Variants in ITPR2 observed in about 807,000 individuals in gnomAD.
ITPR2 encodes the protein inositol 1,4,5-trisphosphate receptor type 2.
Under a neutral mutation model 317.1 loss-of-function variants are expected in ITPR2, and 207 were observed. The observed-to-expected ratio is 0.65, with a 90% CI of 0.58 to 0.73. The LOEUF is 0.73. ITPR2 is among the 30% of genes least tolerant of loss of function. ITPR2 has a pLI of 0.00. For missense variants in ITPR2, 2,613 were observed against 3,284.0 expected, an observed-to-expected ratio of 0.80 and a Z score of 4.99; for synonymous variants, 1,156 against 1,149.1, an observed-to-expected ratio of 1.01 and a Z score of -0.12.
intron 1 of ITPR2, among the ~76,000 whole-genome samples, chr12:26,801,850 C>T (rs139395049): frequency 4.6e-5 from 7 of 150,812 alleles, no homozygotes; most frequent in African/African-American, 1.7e-4. Context: ...CAAAATGAAA[C>T]TGCTGTAAGG....
rs375871833 is a variant in ITPR2 at position 26,580,511 on chromosome 12, C to T, written c.4381-356G>A. ...TCCACTCAATGTAAGAGACCAAAGACGAAACAGTCATTCTAAGTGTAAGAA... is the reference window on the plus strand; with the variant it reads ...TCCACTCAATGTAAGAGACCAAAGATGAAACAGTCATTCTAAGTGTAAGAA... On this transcript the variant is annotated intron_variant, in intron 32 of 56. Transcript: ENST00000381340. Among the ~76,000 whole-genome samples the T allele has an allele frequency of 6.2e-4, 95 of 152,174 alleles. 2 individuals are homozygous for T. Among genetic ancestry groups the T allele is most frequent in the East Asian group, 5.2e-3 (27 of 5,186 alleles).
At chr12:26,403,568 T>A (rs1940249234) in intron 52 of ITPR2, among the ~76,000 whole-genome samples, 1 of 152,006 alleles carries the variant, frequency 6.6e-6, no homozygotes, top group South Asian at 2.1e-4. Flanking sequence ...CAGTGAGCTA[T>A]AATCACACCA....
intron 1 of ITPR2, among the ~76,000 whole-genome samples, chr12:26,803,984 T>A (rs1244203846): frequency 6.6e-6 from 1 of 151,980 alleles, no homozygotes; most frequent in Non-Finnish European, 1.5e-5. Flanking sequence ...AAATATCACA[T>A]GTACTCCCAA....
intron 2 of ITPR2, among the ~76,000 whole-genome samples, chr12:26,789,100 G>A (rs942332803): frequency 1.3e-5 from 2 of 152,180 alleles, no homozygotes; most frequent in Admixed American, 6.5e-5. Context: ...TTTTGCATGT[G>A]TTTCCAATGG....
intron 37 of ITPR2, among the ~76,000 whole-genome samples, chr12:26,499,670 C>T (rs913977533): frequency 2.0e-5 from 3 of 152,178 alleles, no homozygotes; most frequent in Non-Finnish European, 2.9e-5. Context: ...CAGTCTACAA[C>T]TTGCAAAGTG....
At chr12:26,720,214 CT>C (rs1948810965) in intron 5 of ITPR2, among the ~76,000 whole-genome samples, 1 of 152,168 alleles carries the variant, frequency 6.6e-6, no homozygotes, top group African/African-American at 2.4e-5. Flanking sequence ...GGTTTCCTTT[CT>C]CCCAGACTAT....
chr12:26,778,984 T>C (rs1455386933), intron 2 of ITPR2, among the ~76,000 whole-genome samples: 2 of 152,176 alleles, frequency 1.3e-5, no homozygotes, highest in Admixed American at 6.5e-5. Context: ...ACATTCGTCA[T>C]TTGGGTGTGT....
At chr12:26,501,896 C>T (rs1456567172) in intron 37 of ITPR2, among the ~76,000 whole-genome samples, 1 of 152,148 alleles carries the variant, frequency 6.6e-6, no homozygotes, top group East Asian at 1.9e-4. Flanking sequence ...ATAAATAATC[C>T]TCACCAGACC....
intron 2 of ITPR2, among the ~76,000 whole-genome samples, chr12:26,757,649 T>TA (rs1343567020): frequency 1.3e-5 from 2 of 152,250 alleles, no homozygotes; most frequent in Non-Finnish European, 2.9e-5. Flanking sequence ...CAGCTTGACT[T>TA]ACGATATTTT....
intron 32 of ITPR2, among the ~76,000 whole-genome samples, chr12:26,585,348 T>C (rs927791732): frequency 7.9e-5 from 12 of 152,312 alleles, no homozygotes; most frequent in South Asian, 4.1e-4. Flanking sequence ...TATAGATATA[T>C]AATAATTTAT....
intron 2 of ITPR2, among the ~76,000 whole-genome samples, chr12:26,739,375 C>T (rs1949190882): frequency 6.6e-6 from 1 of 152,218 alleles, no homozygotes. Context: ...ACATTATTCA[C>T]AGTTTCCCAA....
At chr12:26,361,779 A>G (rs1315794764) in intron 55 of ITPR2, among the ~76,000 whole-genome samples, 1 of 152,226 alleles carries the variant, frequency 6.6e-6, no homozygotes, top group East Asian at 1.9e-4. Flanking sequence ...TATAAGCAAC[A>G]TTTCAATAAC....
rs79646959 is a variant in ITPR2 at position 26,786,639 on chromosome 12, C to T, written c.163+3518G>A. ...GGTAAAACTTAGTTTCCTCTGTTCA[C>T]AAGTGAGGTAATGAGACACAGTCAA... On this transcript the variant is annotated intron_variant, in intron 2 of 56. Coordinates refer to ENST00000381340, the MANE Select transcript of ITPR2 (RefSeq NM_002223.4). 7.7e-3 allele frequency among the ~76,000 whole-genome samples: 1,178 copies of T among 152,172 alleles called. 6 individuals carry two copies. The highest frequency in any genetic ancestry group is 0.013 in the Admixed American group (192 of 15,298).
Position 26,827,263 on chromosome 12 carries a change from TACACGGAGAAAAGAACAA to T in ITPR2, c.92+5409_92+5426del, listed in dbSNP as rs147664979. Among the ~76,000 whole-genome samples the T allele has an allele frequency of 9.8e-3, 1,486 of 152,026 alleles. 19 individuals are homozygous for T. Among genetic ancestry groups the T allele is most frequent in the African/African-American group, 0.034 (1,393 of 41,534 alleles). On this transcript the variant is annotated intron_variant, in intron 1 of 56. Transcript: ENST00000381340. ...AATACAAAGCAGGCCCCTTTGCACT[TACACGGAGAAAAGAACAA>T]TAAACTCGGAGAAAAGAACAATAAC...
chr12:26,476,330 C>T (rs1298904252), intron 44 of ITPR2, among the ~76,000 whole-genome samples: 1 of 152,082 alleles, frequency 6.6e-6, no homozygotes, highest in Non-Finnish European at 1.5e-5. Context: ...TTTTGGAACC[C>T]AATGCTTTTA....
intron 2 of ITPR2, among the ~76,000 whole-genome samples, chr12:26,727,267 C>T (rs1319685227): frequency 6.6e-6 from 1 of 152,158 alleles, no homozygotes. Context: ...CATAAGAGTG[C>T]TCCCAATTTA....
chr12:26,603,417 C>T (rs988784458), intron 26 of ITPR2, among the ~76,000 whole-genome samples: 3 of 152,110 alleles, frequency 2.0e-5, no homozygotes, highest in Non-Finnish European at 4.4e-5. Context: ...CAACTACTGG[C>T]GTCACCTTAT....
At chr12:26,618,803 G>A (rs1946429275) in intron 26 of ITPR2, among the ~76,000 whole-genome samples, 1 of 138,086 alleles carries the variant, frequency 7.2e-6, no homozygotes, top group African/African-American at 3.0e-5. Context: ...GTGCATAAAT[G>A]TAATAATATA....
chr12:26,424,004 T>C (rs1401563317), intron 49 of ITPR2, among the ~76,000 whole-genome samples: 1 of 152,182 alleles, frequency 6.6e-6, no homozygotes, highest in African/African-American at 2.4e-5. Flanking sequence ...CTTGATTCCT[T>C]TTCCAAAAAT....
Sources: gnomAD v4.1 joint callset for allele counts (sites outside exome capture counted in the v4.1 genomes callset) on GRCh38, gnomAD v4.1.1 for gene constraint, MANE v1.5 for transcripts, NCBI Gene and HGNC (gene_info 2026-07-23, HGNC 2026-07-21) for gene names.